PTPRD: variants seen among roughly 807,000 people sequenced by gnomAD.
PTPRD encodes receptor-type tyrosine-protein phosphatase delta.
Under a neutral mutation model 214.5 loss-of-function variants are expected in PTPRD, and 34 were observed. The observed-to-expected ratio is 0.16, with a 90% CI of 0.12 to 0.21. PTPRD has a LOEUF of 0.21. Ranked by LOEUF, PTPRD falls within the 10% of genes least tolerant of loss-of-function variation. The pLI, the probability that PTPRD is intolerant of heterozygous loss-of-function variation, is 1.00. For synonymous variants in PTPRD, 1,128 were observed against 845.7 expected (o/e 1.33, Z -5.79); for missense variants, 2,545 against 2,398.7 (o/e 1.06, Z -1.27).
chr9:10,402,499 A>G (rs1455531669), intron 2 of PTPRD, among the ~76,000 whole-genome samples: 1 of 151,786 alleles, frequency 6.6e-6, no homozygotes, highest in African/African-American at 2.4e-5. Flanking sequence ...GCATTCATTT[A>G]GTATCTGAAG....
intron 3 of PTPRD, among the ~76,000 whole-genome samples, chr9:10,286,902 A>G (rs577781201): frequency 6.6e-6 from 1 of 152,134 alleles, no homozygotes; most frequent in Non-Finnish European, 1.5e-5. Context: ...CACAGCCTAC[A>G]TGTTTGTTGT....
At chr9:10,522,992 T>G (rs570609901) in intron 2 of PTPRD, among the ~76,000 whole-genome samples, 1 of 152,000 alleles carries the variant, frequency 6.6e-6, no homozygotes, top group African/African-American at 2.4e-5. Flanking sequence ...TAATATGAAG[T>G]ACTAGTTTAC....
intron 14 of PTPRD, among the ~76,000 whole-genome samples, chr9:8,613,131 A>T (rs2095506330): frequency 6.6e-6 from 1 of 152,226 alleles, no homozygotes; most frequent in Non-Finnish European, 1.5e-5. Flanking sequence ...AAAGGGTAGG[A>T]TGTCTTAGCT....
At chr9:8,790,797 G>C (rs1180433372) in intron 11 of PTPRD, among the ~76,000 whole-genome samples, 1 of 149,078 alleles carries the variant, frequency 6.7e-6, no homozygotes, top group African/African-American at 2.4e-5. Context: ...TGACAAAACA[G>C]AAATGTTGTA....
chr9:8,942,042 G>A (rs757214686), intron 11 of PTPRD, among the ~76,000 whole-genome samples: 1 of 152,148 alleles, frequency 6.6e-6, no homozygotes, highest in Non-Finnish European at 1.5e-5. Context: ...ATGACCTCAG[G>A]TGATCCATCT....
At chr9:8,541,300 G>A (rs751968598) in intron 14 of PTPRD, among the ~76,000 whole-genome samples, 1 of 152,150 alleles carries the variant, frequency 6.6e-6, no homozygotes, top group Non-Finnish European at 1.5e-5. Flanking sequence ...TGCAATCATA[G>A]TTCACTGCAG....
At chr9:8,895,423 G>A (rs2154246099) in intron 11 of PTPRD, among the ~76,000 whole-genome samples, 1 of 152,178 alleles carries the variant, frequency 6.6e-6, no homozygotes, top group South Asian at 2.1e-4. Flanking sequence ...GTTTTACTTT[G>A]GAAATTCAGT....
intron 11 of PTPRD, among the ~76,000 whole-genome samples, chr9:8,942,913 A>G (rs923399497): frequency 6.6e-6 from 1 of 152,186 alleles, no homozygotes; most frequent in African/African-American, 2.4e-5. Flanking sequence ...ATTATTAAAT[A>G]AGTTTAGATT....
chr9:10,322,751 G>C (rs978014024), intron 3 of PTPRD, among the ~76,000 whole-genome samples: 3 of 152,004 alleles, frequency 2.0e-5, no homozygotes, highest in Non-Finnish European at 4.4e-5. Context: ...TCACTTAGCA[G>C]AGAGACAGCA....
intron 5 of PTPRD, among the ~76,000 whole-genome samples, chr9:9,925,441 A>T (rs2153893837): frequency 6.6e-6 from 1 of 152,230 alleles, no homozygotes; most frequent in Non-Finnish European, 1.5e-5. Flanking sequence ...ACCTTGAAGG[A>T]GGTTCTATAT....
At chr9:9,423,737 T>G (rs75021593) in intron 8 of PTPRD, among the ~76,000 whole-genome samples, 1 of 152,190 alleles carries the variant, frequency 6.6e-6, no homozygotes, top group Non-Finnish European at 1.5e-5. Flanking sequence ...TAACTATAAT[T>G]AAGAACCCAA....
intron 4 of PTPRD, among the ~76,000 whole-genome samples, chr9:10,010,549 CAGTGTAGTGTACCT>C (rs1355711797): frequency 6.6e-6 from 1 of 151,732 alleles, no homozygotes; most frequent in Non-Finnish European, 1.5e-5. Flanking sequence ...ACACCTGGGT[CAGTGTAGTGTACCT>C]TCAAGTGGCC....
chr9:8,349,385 CTT>C (rs1156793850), intron 39 of PTPRD, among the ~76,000 whole-genome samples: 1 of 152,124 alleles, frequency 6.6e-6, no homozygotes. Flanking sequence ...CCAATTTACT[CTT>C]TTTTTGTTCA....
At chr9:8,663,293 T>G (rs1240022044) in intron 12 of PTPRD, among the ~76,000 whole-genome samples, 1 of 151,762 alleles carries the variant, frequency 6.6e-6, no homozygotes, top group East Asian at 1.9e-4. Flanking sequence ...CTTTTTTTTT[T>G]TTTAATTCTG....
chr9:8,746,620 T>G (rs754650291), intron 11 of PTPRD, among the ~76,000 whole-genome samples: 1 of 152,166 alleles, frequency 6.6e-6, no homozygotes, highest in Non-Finnish European at 1.5e-5. Context: ...CACCAAACTT[T>G]CTAGAAACCA....
At chr9:9,877,847 C>A (rs1445119019) in intron 5 of PTPRD, among the ~76,000 whole-genome samples, 1 of 151,916 alleles carries the variant, frequency 6.6e-6, no homozygotes, top group Admixed American at 6.6e-5. Context: ...GTGGCCCATG[C>A]CTGTAATCCT....
At chr9:9,142,700 G>A (rs975228903) in intron 10 of PTPRD, among the ~76,000 whole-genome samples, 1 of 152,168 alleles carries the variant, frequency 6.6e-6, no homozygotes, top group Non-Finnish European at 1.5e-5. Context: ...CAGAGGACAG[G>A]AAAGAATTCA....
intron 2 of PTPRD, among the ~76,000 whole-genome samples, chr9:10,487,966 G>GACTCTCTCTCTCTCTCTC (rs2099143453): frequency 9.1e-6 from 1 of 110,270 alleles, no homozygotes; most frequent in African/African-American, 3.9e-5. Context: ...AATGAACACA[G>GACTCTCTCTCTCTCTCTC]TCTCTCTCTC....
chr9:10,588,403 TGAA>T (rs2074485890), intron 2 of PTPRD, among the ~76,000 whole-genome samples: 1 of 149,244 alleles, frequency 6.7e-6, no homozygotes, highest in Non-Finnish European at 1.5e-5. Flanking sequence ...TGTGGGACCA[TGAA>T]GGTGTCATTT....
Sources: gnomAD v4.1 joint callset for allele counts (sites outside exome capture counted in the v4.1 genomes callset) on GRCh38, gnomAD v4.1.1 for gene constraint, MANE v1.5 for transcripts, NCBI Gene and HGNC (gene_info 2026-07-23, HGNC 2026-07-21) for gene names.